The following CNN1 variants were observed in gnomAD, a reference collection of about 807,000 sequenced individuals.
CNN1 encodes the protein calponin-1.
A neutral mutation model predicts 35.3 loss-of-function variants in CNN1; 21 were observed. That is an observed-to-expected ratio of 0.60 (90% CI 0.42 to 0.86). The LOEUF (loss-of-function observed/expected upper bound fraction) is 0.86. CNN1 is among the 40% of genes least tolerant of loss of function. The probability of loss-of-function intolerance (pLI) is 0.00; values close to 1 mark genes in which losing one functional copy is unlikely to be tolerated. For synonymous variants in CNN1, 164 were observed against 161.8 expected (o/e 1.01, Z -0.10); for missense variants, 314 against 400.8 (o/e 0.78, Z 1.85).
intron 1 of CNN1, chr19:11,539,689 G>C (rs1380186562): frequency 1.4e-6 from 1 of 692,940 alleles, no homozygotes; most frequent in Non-Finnish European, 2.2e-6. Context: ...GCCGAGGGAG[G>C]AGTTCCTGCC....
rs1436893440 is a variant in CNN1 at position 11,547,132 on chromosome 19, C to T, written c.390+163C>T. On this transcript the variant is annotated intron_variant, in intron 4 of 6. Transcript: ENST00000252456. ...TCCAAGGGGGCCGGGCGCGGTCGCT[C>T]ACACCTGTAATCCCAGCACTTTGGG... is the stretch of plus-strand genomic sequence containing the variant. 3.9e-5 allele frequency among the ~76,000 whole-genome samples: 6 copies of T among 152,158 alleles called. 1 individual carries two copies. Among genetic ancestry groups the T allele is most frequent in the South Asian group, 2.1e-4 (1 of 4,830 alleles).
rs1599613071 is a variant in CNN1 at position 11,549,776 on chromosome 19, A to G, written c.875A>G (p.Asn292Ser). The change falls in exon 7 of 7, where the codon AAC becomes AGC. Residue 292 changes from asparagine (N) to serine (S), a missense_variant. By Grantham distance (46) the Asn-to-Ser change is conservative. Transcript: ENST00000252456. The surrounding 1 kb of genome is among the most constrained non-coding windows in gnomAD (Gnocchi z 5.2). Reference protein sequence around the residue: ...GEPAHNHHAHNYYNSA With the variant: ...GEPAHNHHAHSYYNSA ...CCCGCCCACAACCACCACGCACACA[A>G]CTACTACAATTCCGCCTAGGGCCAC... 6.2e-7 allele frequency: 1 copy of G among 1,610,564 alleles called. No homozygotes were observed. The highest frequency in any genetic ancestry group is 8.5e-7 in the Non-Finnish European group (1 of 1,177,620).
rs1972664356 is a variant in CNN1, at chr19:11,549,393, C to T, written c.572C>T (p.Pro191Leu). The stretch of plus-strand genomic sequence containing the variant: ...GGCACCCGGCGCCACCTCTACGACC[C>T]CAAGCTGGGCACAGACCAGCCTCTG... ...AYGTRRHLYD[P>L]KLGTDQPLDQ... Residue 191 changes from proline to leucine, a missense_variant, in exon 6 of 7, where the codon CCC (proline) becomes CTC (leucine). Coordinates refer to ENST00000252456, the MANE Select transcript of CNN1 (RefSeq NM_001299.6). The surrounding 1 kb of genome is among the most constrained non-coding windows in gnomAD (Gnocchi z 5.2). The T allele has an allele frequency of 1.9e-6, 3 of 1,614,014 alleles. No homozygotes were observed.
In CNN1 at chr19:11,550,166, G is replaced by A. The variant is rs569825499; in HGVS notation, c.*371G>A. ...CTCGGCCTGCCCCCACCCCATTCCCGCAGTGGGAGCAAACTGCATGCCCAG... is the reference window on the plus strand; with the variant it reads ...CTCGGCCTGCCCCCACCCCATTCCCACAGTGGGAGCAAACTGCATGCCCAG... On this transcript the variant is annotated 3_prime_UTR_variant, in exon 7 of 7. Coordinates refer to ENST00000252456, the MANE Select transcript of CNN1 (RefSeq NM_001299.6). 2 of 213,920 alleles carry A rather than the reference G, an allele frequency of 9.3e-6. No individual in the cohort carries two copies. Among genetic ancestry groups the A allele is most frequent in the African/African-American group, 2.4e-5 (1 of 42,064 alleles). The allele number at this position is 213,920 out of a possible 1,614,324, so 13.3% of individuals were successfully genotyped here.
rs761796263 is a variant in CNN1, at chr19:11,550,103, G to A, written c.*308G>A. 2.8e-4 allele frequency: 80 copies of A among 288,814 alleles called. 1 individual carries two copies. In the South Asian group the frequency reaches 3.6e-3, roughly 13 times the overall value. The allele number at this position is 288,814 out of a possible 1,614,324, so 17.9% of individuals were successfully genotyped here. A position where few individuals can be genotyped will look rare whatever the true frequency, so the allele number is the denominator to read the frequency against. ...CTCCCTCACAAGTGGGTACCCCCAG[G>A]ACCAGAAGCTCCCCCAGCAAAGCCC... On this transcript the variant is annotated 3_prime_UTR_variant, in exon 7 of 7. Transcript: ENST00000252456.
rs770724445 is a variant in CNN1 at position 11,546,746 on chromosome 19, G to A, written c.252+5G>A. 5 of 1,614,208 alleles carry A rather than the reference G, an allele frequency of 3.1e-6. No individual in the cohort carries two copies. The highest frequency in any genetic ancestry group is 4.2e-6 in the Non-Finnish European group (5 of 1,180,042). On this transcript the variant is annotated splice_donor_5th_base_variant and intron_variant, in intron 3 of 6. Coordinates refer to ENST00000252456, the MANE Select transcript of CNN1 (RefSeq NM_001299.6). ...TCAACCCAAAATTGGCACCAGGTGA[G>A]CCCAGACACAATCTCTTCCATCCTT...
At chr19:11,545,241 GT>G (rs1972554581) in intron 2 of CNN1, among the ~76,000 whole-genome samples, 1 of 151,752 alleles carries the variant, frequency 6.6e-6, no homozygotes, top group Non-Finnish European at 1.5e-5. Flanking sequence ...ATGAAGAAGG[GT>G]GGGTCTGTAG....
intron 1 of CNN1, chr19:11,539,799 CGGGGCTGGAGGAG>C: frequency 1.2e-6 from 1 of 843,552 alleles, no homozygotes; most frequent in Non-Finnish European, 1.3e-6. Flanking sequence ...CGAGGGATCT[CGGGGCTGGAGGAG>C]GGGGCTGGTG....
intron 4 of CNN1, 121 bp downstream of exon 4, chr19:11,547,090 A>AGGGATCG: frequency 7.6e-6 from 11 of 1,453,868 alleles, no homozygotes; most frequent in Non-Finnish European, 1.0e-5. Context: ...ATCGGGGAGC[A>AGGGATCG]GGTGCTGTCA....
At chr19:11,540,832 C>T in intron 1 of CNN1, 1 of 423,966 alleles carries the variant, frequency 2.4e-6, no homozygotes, top group Non-Finnish European at 4.2e-6. Flanking sequence ...CCCTCATCTA[C>T]ATTCCCTGGT....
intron 1 of CNN1, 70 bp downstream of exon 1, chr19:11,539,060 C>A: frequency 1.5e-6 from 2 of 1,324,554 alleles, no homozygotes; most frequent in Admixed American, 2.7e-5. Flanking sequence ...CTTGGGGTCC[C>A]TTGAACCCCC....
chr19:11,542,904 T>A (rs1972497699), intron 2 of CNN1, among the ~76,000 whole-genome samples: 1 of 152,170 alleles, frequency 6.6e-6, no homozygotes, highest in Non-Finnish European at 1.5e-5. Flanking sequence ...AGCAGGGCCC[T>A]AAACCCAGCC....
chr19:11,540,156 G>A, intron 1 of CNN1: 1 of 694,470 alleles, frequency 1.4e-6, no homozygotes, highest in Non-Finnish European at 1.8e-6. Flanking sequence ...GGGGGAGGGG[G>A]GGGACAGTGG....
Position 11,546,826 on chromosome 19 carries a change from C to T in CNN1, c.253-6C>T, listed in dbSNP as rs560520388. On this transcript the variant is annotated splice_polypyrimidine_tract_variant and splice_region_variant and intron_variant, in intron 3 of 6. Coordinates refer to ENST00000252456, the MANE Select transcript of CNN1 (RefSeq NM_001299.6). Reference sequence around the variant, plus strand: ...CACCCAGTGACCACCACCTGCCCCCCTCTAGCTGGAGAACATCGGCAACTT... The same window carrying T: ...CACCCAGTGACCACCACCTGCCCCCTTCTAGCTGGAGAACATCGGCAACTT... 11 of 1,614,268 alleles carry T rather than the reference C, an allele frequency of 6.8e-6. No individual in the cohort carries two copies. Among genetic ancestry groups the T allele is most frequent in the Non-Finnish European group, 1.7e-6 (2 of 1,180,052 alleles).
Position 11,546,842 on chromosome 19 carries a change from T to C in CNN1, c.263T>C (p.Ile88Thr). 1 of 1,614,118 alleles carries C rather than the reference T, an allele frequency of 6.2e-7. No individual in the cohort carries two copies. Among genetic ancestry groups the C allele is most frequent in the Non-Finnish European group, 8.5e-7 (1 of 1,180,036 alleles). The change falls in exon 4 of 7, where the codon ATC becomes ACC. Residue 88 changes from isoleucine (I) to threonine (T), a missense_variant. Coordinates refer to ENST00000252456, the MANE Select transcript of CNN1 (RefSeq NM_001299.6). ...STQNWHQLEN[I>T]GNFIKAITKY... is the part of the protein sequence containing the mutation. The stretch of plus-strand genomic sequence containing the variant: ...CCTGCCCCCCTCTAGCTGGAGAACA[T>C]CGGCAACTTCATCAAGGCCATCACC...
intron 2 of CNN1, 64 bp from the exon 3 acceptor site, chr19:11,546,611 G>A: frequency 6.3e-7 from 1 of 1,577,664 alleles, no homozygotes; most frequent in East Asian, 2.2e-5. Flanking sequence ...TGGGATTACA[G>A]GCGTGAGCCA....
chr19:11,549,464 A>T lies in CNN1; in HGVS notation c.643A>T (p.Ser215Cys). The T allele has an allele frequency of 1.2e-6, 2 of 1,613,810 alleles. No homozygotes were observed. Among genetic ancestry groups the T allele is most frequent in the Non-Finnish European group, 1.7e-6 (2 of 1,179,902 alleles). Residue 215 changes from serine (S) to cysteine (C), a missense_variant, in exon 6 of 7, where the codon AGC becomes TGC. Coordinates refer to ENST00000252456, the MANE Select transcript of CNN1 (RefSeq NM_001299.6). The surrounding 1 kb of genome is among the most constrained non-coding windows in gnomAD (Gnocchi z 5.2). ...GCAGATGGGCACCAACAAAGGAGCC[A>T]GCCAGGTGAGTGGGGGCCCCCGGGA... ...SLQMGTNKGA[S>C]QAGMTAPGTK...
At chr19:11,546,347 T>C (rs1004495277) in intron 2 of CNN1, among the ~76,000 whole-genome samples, 1 of 150,562 alleles carries the variant, frequency 6.6e-6, no homozygotes, top group Non-Finnish European at 1.5e-5. Flanking sequence ...TTCTTTCTTT[T>C]TTTTTTTTTT....
At position 11,549,777 on chromosome 19, in the gene CNN1, C is replaced by A. The variant is rs1417529119; in HGVS notation, c.876C>A (p.Asn292Lys). 6.2e-7 allele frequency: 1 copy of A among 1,610,382 alleles called. No individual in the cohort carries two copies. Among genetic ancestry groups the A allele is most frequent in the Non-Finnish European group, 8.5e-7 (1 of 1,177,500 alleles). Residue 292 changes from asparagine to lysine, a missense_variant, in exon 7 of 7, where the codon AAC becomes AAA. Asn to Lys is a moderately conservative substitution (Grantham distance 94). Coordinates refer to ENST00000252456, the MANE Select transcript of CNN1 (RefSeq NM_001299.6). This position sits in a 1 kb window ranked among gnomAD's most constrained non-coding sequence, Gnocchi z 5.2. ...GEPAHNHHAH[N>K]YYNSA ...CCGCCCACAACCACCACGCACACAA[C>A]TACTACAATTCCGCCTAGGGCCACA...
Sources: allele counts gnomAD v4.1 joint callset (sites outside exome capture counted in the v4.1 genomes callset), GRCh38; gene constraint gnomAD v4.1.1; non-coding constraint Gnocchi (gnomAD v3.1); transcripts MANE v1.5; gene names NCBI Gene and HGNC (gene_info 2026-07-23, HGNC 2026-07-21).